The following NEGR1 variants were observed in gnomAD, a reference collection of about 807,000 sequenced individuals.
NEGR1 encodes the protein IgLON family member 4.
In NEGR1, 10 loss-of-function variants were observed where a neutral mutation model predicts 40.9. The observed-to-expected ratio is 0.24, with a 90% CI of 0.15 to 0.42. The LOEUF is 0.42. Among genes scored for constraint, NEGR1 ranks in the 10% least tolerant of loss-of-function variants. The pLI is 1.00. For missense variants in NEGR1, 352 were observed against 438.9 expected (o/e 0.80, Z 1.77); for synonymous variants, 185 against 166.8 (o/e 1.11, Z -0.84).
Position 71,578,812 on chromosome 1 carries a change from G to C in NEGR1, c.940+14005C>G, listed in dbSNP as rs545838408. ...TTCAGTACTTATTATCTTACTATTT[G>C]ATCAGCTTAATAGATCAACAGTGAA... On this transcript the variant is annotated intron_variant, in intron 6 of 6. Coordinates refer to ENST00000357731, the MANE Select transcript of NEGR1 (RefSeq NM_173808.3). Among the ~76,000 whole-genome samples, 6 of 152,244 alleles carry C rather than the reference G, an allele frequency of 3.9e-5. No homozygotes were observed. The South Asian group carries it at 1.2e-3, about 32-fold the overall frequency.
chr1:71,808,947 T>C (rs1376256304), intron 2 of NEGR1, among the ~76,000 whole-genome samples: 2 of 152,196 alleles, frequency 1.3e-5, no homozygotes, highest in African/African-American at 2.4e-5. Context: ...CACTGGCTAG[T>C]AAAACCTAAT....
chr1:71,448,968 T>G (rs980906433), intron 6 of NEGR1, among the ~76,000 whole-genome samples: 3 of 152,194 alleles, frequency 2.0e-5, no homozygotes, highest in Non-Finnish European at 4.4e-5. Context: ...TTAAATTTAC[T>G]TCGGTTGTCA....
chr1:71,587,731 T>A (rs1215752775), intron 6 of NEGR1, among the ~76,000 whole-genome samples: 1 of 151,922 alleles, frequency 6.6e-6, no homozygotes, highest in Non-Finnish European at 1.5e-5. Context: ...GAACCTATAC[T>A]ACAGTAAAGG....
chr1:71,855,486 G>A (rs762873152), intron 2 of NEGR1, among the ~76,000 whole-genome samples: 3 of 151,996 alleles, frequency 2.0e-5, no homozygotes, highest in Non-Finnish European at 4.4e-5. Context: ...AAGAAAAATA[G>A]GAAGTCCTTT....
chr1:71,744,346 A>AATAATC (rs1284621534), intron 3 of NEGR1, among the ~76,000 whole-genome samples: 1 of 105,230 alleles, frequency 9.5e-6, no homozygotes, highest in Non-Finnish European at 1.8e-5. Flanking sequence ...CTCTGTAAAT[A>AATAATC]ATAATAATAA....
At chr1:71,506,150 C>CA (rs1391184763) in intron 6 of NEGR1, among the ~76,000 whole-genome samples, 1 of 152,042 alleles carries the variant, frequency 6.6e-6, no homozygotes. Flanking sequence ...CCTTAAAAGA[C>CA]AAAAAATCTG....
intron 3 of NEGR1, among the ~76,000 whole-genome samples, chr1:71,728,716 G>C (rs1001544718): frequency 2.0e-5 from 3 of 152,100 alleles, no homozygotes; most frequent in African/African-American, 7.2e-5. Context: ...TTGCCTCTCA[G>C]AGTTTTTAGC....
At chr1:72,182,418 G>A (rs950611941) in intron 1 of NEGR1, among the ~76,000 whole-genome samples, 1 of 151,998 alleles carries the variant, frequency 6.6e-6, no homozygotes, top group Non-Finnish European at 1.5e-5. Context: ...ATTTGAACCC[G>A]GGGGGTGGAG....
At chr1:72,164,217 C>T (rs1651691363) in intron 1 of NEGR1, among the ~76,000 whole-genome samples, 1 of 151,926 alleles carries the variant, frequency 6.6e-6, no homozygotes, top group Non-Finnish European at 1.5e-5. Flanking sequence ...CCTTTAACGA[C>T]CGTTGAAAAG....
At chr1:71,716,653 G>C (rs781029295) in intron 3 of NEGR1, among the ~76,000 whole-genome samples, 30 of 152,118 alleles carry the variant, frequency 2.0e-4, no homozygotes, top group Non-Finnish European at 3.2e-4. Flanking sequence ...CAGTTTAATA[G>C]TGAAAAGTTG....
At chr1:72,122,233 C>G (rs1649830480) in intron 1 of NEGR1, among the ~76,000 whole-genome samples, 1 of 151,976 alleles carries the variant, frequency 6.6e-6, no homozygotes, top group Admixed American at 6.6e-5. Context: ...AACCACAGCT[C>G]TCAACAAGCT....
At chr1:72,124,443 A>C (rs1397500080) in intron 1 of NEGR1, among the ~76,000 whole-genome samples, 1 of 152,016 alleles carries the variant, frequency 6.6e-6, no homozygotes, top group Non-Finnish European at 1.5e-5. Flanking sequence ...GAAAAAATAT[A>C]CAAGGCAACA....
intron 1 of NEGR1, among the ~76,000 whole-genome samples, chr1:71,942,455 C>CTATATCTATATATA: frequency 4.7e-5 from 1 of 21,294 alleles, no homozygotes; most frequent in East Asian, 1.6e-3. Context: ...TTCTTTAAAT[C>CTATATCTATATATA]TATATATATA....
At chr1:71,584,656 A>G (rs1027155636) in intron 6 of NEGR1, among the ~76,000 whole-genome samples, 3 of 152,182 alleles carry the variant, frequency 2.0e-5, no homozygotes, top group Non-Finnish European at 4.4e-5. Context: ...AGTCAAAATT[A>G]CAGGGAACAC....
intron 4 of NEGR1, among the ~76,000 whole-genome samples, chr1:71,693,954 T>C (rs967485258): frequency 1.3e-5 from 2 of 151,802 alleles, no homozygotes; most frequent in African/African-American, 2.4e-5. Context: ...TCAAATTCTA[T>C]ATTTGATTTC....
intron 2 of NEGR1, among the ~76,000 whole-genome samples, chr1:71,917,932 A>G (rs982101268): frequency 5.3e-5 from 8 of 151,240 alleles, no homozygotes; most frequent in Non-Finnish European, 1.2e-4. Flanking sequence ...AGAAGAACAC[A>G]TCATGCCTGG....
chr1:72,084,491 C>A (rs1427077550), intron 1 of NEGR1, among the ~76,000 whole-genome samples: 1 of 152,154 alleles, frequency 6.6e-6, no homozygotes, highest in Non-Finnish European at 1.5e-5. Context: ...GATCACCAAT[C>A]AAAATACATT....
chr1:72,161,899 C>T (rs1335764949), intron 1 of NEGR1, among the ~76,000 whole-genome samples: 7 of 151,336 alleles, frequency 4.6e-5, no homozygotes. Flanking sequence ...CTGTGTTGGC[C>T]AAGCTGATCT....
chr1:71,536,974 C>A (rs1302589920), intron 6 of NEGR1, among the ~76,000 whole-genome samples: 1 of 151,592 alleles, frequency 6.6e-6, no homozygotes, highest in Non-Finnish European at 1.5e-5. Flanking sequence ...GCCAATAAAT[C>A]TACTATAGAT....
Sources: allele counts gnomAD v4.1 joint callset (sites outside exome capture counted in the v4.1 genomes callset), GRCh38; gene constraint gnomAD v4.1.1; transcripts MANE v1.5; gene names NCBI Gene and HGNC (gene_info 2026-07-23, HGNC 2026-07-21).